Variants in ARHGAP15 observed in about 807,000 individuals in gnomAD.
ARHGAP15 encodes rho GTPase-activating protein 15.
A neutral mutation model predicts 63.7 loss-of-function variants in ARHGAP15; 51 were observed. That is an observed-to-expected ratio of 0.80 (90% CI 0.64 to 1.01). ARHGAP15 has a LOEUF of 1.01. Among genes scored for constraint, ARHGAP15 ranks in the 50% least tolerant of loss-of-function variants. The pLI, the probability that ARHGAP15 is intolerant of heterozygous loss-of-function variation, is 0.00. For missense variants in ARHGAP15, 560 were observed against 564.6 expected (o/e 0.99, Z 0.08); for synonymous variants, 191 against 193.8 (o/e 0.99, Z 0.12).
rs571005568 is a variant in ARHGAP15 at position 143,144,862 on chromosome 2, T to A, written c.-14-10615T>A. Among the ~76,000 whole-genome samples, 4 of 152,166 alleles carry A rather than the reference T, an allele frequency of 2.6e-5. No individual in the cohort carries two copies. In the East Asian group the frequency reaches 7.8e-4, roughly 30 times the overall value. ...GCTGTAAAATAAGAAGACACCATAG[T>A]AACAAGTAACTATTTCACAATAATG... On this transcript the variant is annotated intron_variant, in intron 1 of 13. Coordinates refer to ENST00000295095, the MANE Select transcript of ARHGAP15 (RefSeq NM_018460.4).
intron 13 of ARHGAP15, among the ~76,000 whole-genome samples, chr2:143,753,878 G>C (rs528786084): frequency 1.2e-4 from 19 of 152,272 alleles, no homozygotes; most frequent in African/African-American, 3.9e-4. Context: ...AAGACACACT[G>C]AACAATTACA....
intron 6 of ARHGAP15, among the ~76,000 whole-genome samples, chr2:143,339,605 A>T (rs1684964613): frequency 6.6e-6 from 1 of 152,108 alleles, no homozygotes; most frequent in East Asian, 1.9e-4. Flanking sequence ...CCACCAAAAG[A>T]AGTCAGTTCC....
intron 6 of ARHGAP15, among the ~76,000 whole-genome samples, chr2:143,330,125 AAAAAAACCAAAAAC>A (rs1684468789): frequency 3.3e-5 from 3 of 90,272 alleles, no homozygotes; most frequent in South Asian, 3.4e-4. Flanking sequence ...AAAAAAAAAA[AAAAAAACCAAAAAC>A]AAAAAACTAA....
At chr2:143,369,840 C>T (rs185942219) in intron 6 of ARHGAP15, among the ~76,000 whole-genome samples, 2 of 152,204 alleles carry the variant, frequency 1.3e-5, no homozygotes, top group Admixed American at 6.5e-5. Flanking sequence ...TTTTCTTCCT[C>T]CTCCTATTAT....
chr2:143,730,405 T>G (rs905570622), intron 13 of ARHGAP15, among the ~76,000 whole-genome samples: 1 of 82,570 alleles, frequency 1.2e-5, no homozygotes, highest in Non-Finnish European at 3.7e-5. Context: ...GCAATATTTC[T>G]TTGTCTTTCA....
intron 13 of ARHGAP15, among the ~76,000 whole-genome samples, chr2:143,729,221 C>G (rs902514786): frequency 3.3e-4 from 50 of 152,196 alleles, no homozygotes; most frequent in African/African-American, 1.2e-3. Context: ...GTTTTAGACC[C>G]TACAGCTCAG....
chr2:143,513,742 C>T (rs1264285658), intron 9 of ARHGAP15, among the ~76,000 whole-genome samples: 1 of 152,192 alleles, frequency 6.6e-6, no homozygotes, highest in Non-Finnish European at 1.5e-5. Flanking sequence ...TCTGTCTTCT[C>T]CAGTCAAGCA....
At chr2:143,570,785 G>T (rs1344997666) in intron 11 of ARHGAP15, among the ~76,000 whole-genome samples, 3 of 152,166 alleles carry the variant, frequency 2.0e-5, no homozygotes, top group African/African-American at 7.2e-5. Context: ...AAATATTGAA[G>T]AAAAGAGAAG....
chr2:143,726,151 AGG>A (rs1685267098), intron 13 of ARHGAP15, among the ~76,000 whole-genome samples: 1 of 152,240 alleles, frequency 6.6e-6, no homozygotes, highest in Non-Finnish European at 1.5e-5. Context: ...GCACTGTGAC[AGG>A]GTATTGGCCA....
At chr2:143,638,938 C>T (rs1314974158) in intron 12 of ARHGAP15, among the ~76,000 whole-genome samples, 2 of 151,922 alleles carry the variant, frequency 1.3e-5, no homozygotes, top group Admixed American at 6.6e-5. Context: ...TTTTATAATA[C>T]TCCTTTGTGG....
intron 13 of ARHGAP15, among the ~76,000 whole-genome samples, chr2:143,759,923 A>T (rs138171349): frequency 1.5e-3 from 226 of 152,272 alleles, no homozygotes; most frequent in African/African-American, 5.1e-3. Context: ...GGGTTTTTTT[A>T]AAGTTCCCTA....
intron 6 of ARHGAP15, among the ~76,000 whole-genome samples, chr2:143,366,983 G>T (rs1294228384): frequency 6.6e-6 from 1 of 151,988 alleles, no homozygotes; most frequent in East Asian, 1.9e-4. Context: ...ATCATAATTG[G>T]CAGGTCCATG....
At chr2:143,373,481 T>C (rs34169965) in intron 6 of ARHGAP15, among the ~76,000 whole-genome samples, 14,473 of 151,602 alleles carry the variant, frequency 0.095, 1,127 homozygotes, top group Non-Finnish European at 0.12. Flanking sequence ...ATACAAAAAA[T>C]TAGCTGGGAG....
Position 143,624,279 on chromosome 2 carries a change from A to G in ARHGAP15, c.1138+12A>G. The stretch of plus-strand genomic sequence containing the variant: ...TGTGGAAGCGATCAGTAAGTACCTC[A>G]CAGAAAAGGGCAGGTGGTAGAATAA... On this transcript the variant is annotated intron_variant, in intron 12 of 13. Transcript: ENST00000295095. 6.2e-7 allele frequency: 1 copy of G among 1,606,808 alleles called. No homozygotes were observed. The highest frequency in any genetic ancestry group is 8.5e-7 in the Non-Finnish European group (1 of 1,175,348).
intron 11 of ARHGAP15, among the ~76,000 whole-genome samples, chr2:143,583,103 C>G (rs925481463): frequency 2.6e-5 from 4 of 152,094 alleles, no homozygotes; most frequent in Non-Finnish European, 5.9e-5. Context: ...CCTGATCTTG[C>G]TAAAGGGGCA....
intron 1 of ARHGAP15, among the ~76,000 whole-genome samples, chr2:143,145,449 C>T (rs1313826617): frequency 6.6e-6 from 1 of 152,000 alleles, no homozygotes; most frequent in Non-Finnish European, 1.5e-5. Context: ...CTTTCTATTG[C>T]CAATCTCCTT....
chr2:143,316,044 C>T (rs1210666947), intron 6 of ARHGAP15, among the ~76,000 whole-genome samples: 1 of 151,972 alleles, frequency 6.6e-6, no homozygotes, highest in Non-Finnish European at 1.5e-5. Flanking sequence ...CAAGATGGCA[C>T]CATTGCACTC....
At chr2:143,421,404 A>AG (rs1688910654) in intron 6 of ARHGAP15, among the ~76,000 whole-genome samples, 1 of 149,320 alleles carries the variant, frequency 6.7e-6, no homozygotes, top group Non-Finnish European at 1.5e-5. Context: ...ACAGAGAGGC[A>AG]GGGAGGGTGC....
At chr2:143,697,059 G>A (rs148994049) in intron 12 of ARHGAP15, among the ~76,000 whole-genome samples, 7 of 152,208 alleles carry the variant, frequency 4.6e-5, no homozygotes, top group East Asian at 1.9e-4. Context: ...TGCCAACTAC[G>A]GGCTACGCTC....
Sources: gnomAD v4.1 joint callset for allele counts (sites outside exome capture counted in the v4.1 genomes callset) on GRCh38, gnomAD v4.1.1 for gene constraint, MANE v1.5 for transcripts, NCBI Gene and HGNC (gene_info 2026-07-23, HGNC 2026-07-21) for gene names.